Variants in DPP6 observed in about 807,000 individuals in gnomAD.
DPP6 encodes the protein A-type potassium channel modulatory protein DPP6.
A neutral mutation model predicts 122.6 loss-of-function variants in DPP6; 69 were observed. The ratio of observed to expected loss-of-function variants is 0.56; its 90% CI spans 0.46 to 0.69. The LOEUF is 0.69. Ranked by LOEUF, DPP6 falls within the 30% of genes least tolerant of loss-of-function variation. The pLI, the probability that DPP6 is intolerant of heterozygous loss-of-function variation, is 0.00. For synonymous variants in DPP6, 418 were observed against 433.1 expected, an observed-to-expected ratio of 0.97 and a Z score of 0.43; for missense variants, 928 against 1,116.9, an observed-to-expected ratio of 0.83 and a Z score of 2.41.
At chr7:154,169,733 A>G (rs1288251015) in intron 1 of DPP6, among the ~76,000 whole-genome samples, 1 of 152,058 alleles carries the variant, frequency 6.6e-6, no homozygotes, top group African/African-American at 2.4e-5. Flanking sequence ...AAGAGCCAAA[A>G]TTATTATTAT....
chr7:153,766,884 C>A, the DPP6 span, among the ~76,000 whole-genome samples: 1 of 152,208 alleles, frequency 6.6e-6, no homozygotes, highest in East Asian at 1.9e-4. Context: ...ACGTCTTCTT[C>A]TCTTTAAGGT....
At chr7:154,716,258 CCCTGGAACACAAGGCTTCTCCCA>C (rs759569918) in intron 7 of DPP6, among the ~76,000 whole-genome samples, 119 of 152,306 alleles carry the variant, frequency 7.8e-4, no homozygotes, top group Non-Finnish European at 1.4e-3. Context: ...GCCCCAACTT[CCCTGGAACACAAGGCTTCTCCCA>C]CCTGGAACAC....
At chr7:154,588,309 G>A in intron 5 of DPP6, 2 of 690,702 alleles carry the variant, frequency 2.9e-6, no homozygotes, top group Non-Finnish European at 2.2e-6. Context: ...TGATAATCAT[G>A]GGAAGGAGAC....
chr7:154,394,647 A>G (rs34778830), intron 1 of DPP6, among the ~76,000 whole-genome samples: 84,449 of 152,032 alleles, frequency 0.56, 27,005 homozygotes, highest in Non-Finnish European at 0.7. Context: ...CAATAAATCA[A>G]TGCCAAGAAA....
At chr7:154,641,430 A>C (rs1452835862) in intron 6 of DPP6, among the ~76,000 whole-genome samples, 2 of 152,228 alleles carry the variant, frequency 1.3e-5, no homozygotes, top group Non-Finnish European at 2.9e-5. Context: ...TAATAAAATA[A>C]GGAATCTTCC....
intron 1 of DPP6, among the ~76,000 whole-genome samples, chr7:153,905,562 A>G (rs533245170): frequency 6.6e-6 from 1 of 152,326 alleles, no homozygotes; most frequent in Admixed American, 6.5e-5. Context: ...CCAAGGCAGA[A>G]TAAAAAAGTC....
At chr7:154,667,175 T>G (rs1838221084) in intron 6 of DPP6, among the ~76,000 whole-genome samples, 1 of 141,948 alleles carries the variant, frequency 7.0e-6, no homozygotes, top group Non-Finnish European at 1.5e-5. Context: ...ATTTTTATCT[T>G]TTTTTTTTAT....
chr7:154,847,188 G>A (rs1414537731), intron 16 of DPP6, among the ~76,000 whole-genome samples: 1 of 152,174 alleles, frequency 6.6e-6, no homozygotes, highest in Admixed American at 6.5e-5. Flanking sequence ...TGTGCCCACT[G>A]ACACCCCCAA....
At chr7:154,163,642 G>T (rs867802055) in intron 1 of DPP6, among the ~76,000 whole-genome samples, 26 of 152,162 alleles carry the variant, frequency 1.7e-4, no homozygotes, top group Admixed American at 5.2e-4. Context: ...ATTTGCTAGT[G>T]CAATGATGCT....
intron 1 of DPP6, among the ~76,000 whole-genome samples, chr7:153,954,461 G>A (rs1802363812): frequency 6.6e-6 from 1 of 152,176 alleles, no homozygotes; most frequent in South Asian, 2.1e-4. Context: ...AATTTTTGGA[G>A]ACGGTTTACC....
intron 6 of DPP6, among the ~76,000 whole-genome samples, chr7:154,666,198 T>TACACAC (rs61051281): frequency 3.0e-5 from 4 of 131,724 alleles, no homozygotes; most frequent in African/African-American, 1.2e-4. Context: ...TATATATATA[T>TACACAC]ATACACATAT....
chr7:154,248,003 GA>G (rs2150889622), intron 1 of DPP6, among the ~76,000 whole-genome samples: 1 of 152,282 alleles, frequency 6.6e-6, no homozygotes, highest in South Asian at 2.1e-4. Flanking sequence ...TCGTAGGCTG[GA>G]AGTTCGAGAC....
rs550979476 is a variant in DPP6, at chr7:154,630,225, G to A, written c.628-7596G>A. Reference sequence around the variant, plus strand: ...TAGCCACCCTCTTCTGCTGGCCTCAGCCTGGTGCATTGTTAGGAAGGGAAT... The same window carrying A: ...TAGCCACCCTCTTCTGCTGGCCTCAACCTGGTGCATTGTTAGGAAGGGAAT... On this transcript the variant is annotated intron_variant, in intron 5 of 25. Coordinates refer to ENST00000377770, the MANE Select transcript of DPP6 (RefSeq NM_130797.4). 2.0e-5 allele frequency among the ~76,000 whole-genome samples: 3 copies of A among 152,318 alleles called. No individual in the cohort carries two copies. In the South Asian group the frequency reaches 6.2e-4, roughly 32 times the overall value.
At chr7:153,870,238 C>T in the DPP6 span, among the ~76,000 whole-genome samples, 2 of 152,226 alleles carry the variant, frequency 1.3e-5, no homozygotes, top group Non-Finnish European at 2.9e-5. Context: ...TAATATCCTG[C>T]AGAGCATTTT....
In DPP6 at chr7:154,375,351, G is replaced by A. The variant is rs532319236; in HGVS notation, c.244-70863G>A. On this transcript the variant is annotated intron_variant, in intron 1 of 25. Coordinates refer to ENST00000377770, the MANE Select transcript of DPP6 (RefSeq NM_130797.4). ...GGATGTTGGCCCGGGTGGAGGGGTAGGAAATGGAGTGAGGCAGGACCCGGA... is the reference window on the plus strand; with the variant it reads ...GGATGTTGGCCCGGGTGGAGGGGTAAGAAATGGAGTGAGGCAGGACCCGGA... Among the ~76,000 whole-genome samples, 30 of 152,220 alleles carry A rather than the reference G, an allele frequency of 2.0e-4. No individual in the cohort carries two copies. The South Asian group carries it at 6.2e-3, about 32-fold the overall frequency.
chr7:153,999,765 C>T (rs1447322173), intron 1 of DPP6, among the ~76,000 whole-genome samples: 11 of 152,082 alleles, frequency 7.2e-5, no homozygotes, highest in Admixed American at 7.2e-4. Flanking sequence ...TTGAGACTAG[C>T]CTGGGCAACA....
intron 1 of DPP6, among the ~76,000 whole-genome samples, chr7:154,172,244 G>A (rs1797572536): frequency 6.6e-6 from 1 of 152,122 alleles, no homozygotes; most frequent in South Asian, 2.1e-4. Flanking sequence ...CCTGCTCTGA[G>A]TTTTTATGTT....
chr7:154,282,983 C>T lies in DPP6; in HGVS notation c.244-163231C>T, dbSNP rs1804623081. On this transcript the variant is annotated intron_variant, in intron 1 of 25. Transcript: ENST00000377770. This position sits in a 1 kb window ranked among gnomAD's most constrained non-coding sequence, Gnocchi z 4.8. ...ATCAGACATCAGAACACGTCTCTCT[C>T]TGGACTCAGGGACAATACCCATACA... Among the ~76,000 whole-genome samples the T allele has an allele frequency of 6.6e-6, 1 of 152,180 alleles. No homozygotes were observed. The highest frequency in any genetic ancestry group is 1.5e-5 in the Non-Finnish European group (1 of 68,032).
At chr7:153,838,122 G>GA in the DPP6 span, among the ~76,000 whole-genome samples, 12 of 152,070 alleles carry the variant, frequency 7.9e-5, no homozygotes, top group Admixed American at 2.0e-4. Flanking sequence ...AAGATGGTAG[G>GA]AAAAAAATGT....
Sources: allele counts gnomAD v4.1 joint callset (sites outside exome capture counted in the v4.1 genomes callset), GRCh38; gene constraint gnomAD v4.1.1; non-coding constraint Gnocchi (gnomAD v3.1); transcripts MANE v1.5; gene names NCBI Gene and HGNC (gene_info 2026-07-23, HGNC 2026-07-21).